Variants in PHACTR1 observed in about 807,000 individuals in gnomAD.
The protein encoded by PHACTR1 is phosphatase and actin regulator 1.
A neutral mutation model predicts 69.2 loss-of-function variants in PHACTR1; 16 were observed. The observed-to-expected ratio is 0.23, with a 90% CI of 0.16 to 0.35. PHACTR1 has a LOEUF of 0.35. Among genes scored for constraint, PHACTR1 ranks in the 10% least tolerant of loss-of-function variants. The probability of loss-of-function intolerance (pLI) is 1.00; values close to 1 mark genes in which losing one functional copy is unlikely to be tolerated. For missense variants in PHACTR1, 510 were observed against 734.7 expected, an observed-to-expected ratio of 0.69 and a Z score of 3.54; for synonymous variants, 312 against 284.5, an observed-to-expected ratio of 1.10 and a Z score of -0.97.
chr6:12,921,547 A>AG, intron 4 of PHACTR1, among the ~76,000 whole-genome samples: 1 of 121,134 alleles, frequency 8.3e-6, no homozygotes, highest in Non-Finnish European at 1.7e-5. Context: ...GAGGGAAAGG[A>AG]GGAAGGAGGA....
intron 4 of PHACTR1, among the ~76,000 whole-genome samples, chr6:12,982,151 A>G (rs548668658): frequency 1.9e-4 from 29 of 152,344 alleles, no homozygotes; most frequent in African/African-American, 6.0e-4. Flanking sequence ...CCTAATCAAC[A>G]GGTCTTAACA....
At chr6:13,222,477 C>T (rs887319462) in intron 8 of PHACTR1, among the ~76,000 whole-genome samples, 2 of 152,190 alleles carry the variant, frequency 1.3e-5, no homozygotes, top group African/African-American at 4.8e-5. Context: ...TGTTGCAGCC[C>T]CCAGAATGCC....
At chr6:12,876,442 G>A (rs953914359) in intron 4 of PHACTR1, among the ~76,000 whole-genome samples, 10 of 152,110 alleles carry the variant, frequency 6.6e-5, no homozygotes, top group South Asian at 4.1e-4. Context: ...ATCCAAGGTC[G>A]CACAGCTAGT....
At chr6:12,950,253 G>A (rs1056583329) in intron 4 of PHACTR1, among the ~76,000 whole-genome samples, 4 of 152,162 alleles carry the variant, frequency 2.6e-5, no homozygotes, top group African/African-American at 4.8e-5. Context: ...ATAGCATGGC[G>A]GCCTCAAAGC....
intron 6 of PHACTR1, among the ~76,000 whole-genome samples, chr6:13,168,435 C>T (rs1239190352): frequency 6.6e-6 from 1 of 152,186 alleles, no homozygotes; most frequent in African/African-American, 2.4e-5. Context: ...AGTGAGTAAG[C>T]GTTCCACATA....
chr6:12,723,458 C>T (rs1762382388), intron 3 of PHACTR1, among the ~76,000 whole-genome samples: 2 of 151,640 alleles, frequency 1.3e-5, no homozygotes, highest in African/African-American at 2.4e-5. Flanking sequence ...ACATTACAAA[C>T]ACCACCTGGA....
chr6:13,285,922 T>G (rs1043302905), intron 13 of PHACTR1, among the ~76,000 whole-genome samples: 2 of 152,244 alleles, frequency 1.3e-5, no homozygotes, highest in African/African-American at 4.8e-5. Flanking sequence ...AAACACACTT[T>G]GGGCAATAGC....
chr6:12,749,183 G>T (rs928883298), intron 3 of PHACTR1, among the ~76,000 whole-genome samples: 4 of 152,240 alleles, frequency 2.6e-5, no homozygotes, highest in African/African-American at 9.6e-5. Context: ...GTGCACTTGG[G>T]CAGCGTAAGC....
chr6:12,940,009 G>A (rs1267449032), intron 4 of PHACTR1, among the ~76,000 whole-genome samples: 1 of 152,138 alleles, frequency 6.6e-6, no homozygotes, highest in African/African-American at 2.4e-5. Flanking sequence ...GGCAAGAAAG[G>A]AAACACTTTT....
At chr6:12,768,067 A>ATT (rs1036297324) in intron 4 of PHACTR1, among the ~76,000 whole-genome samples, 5 of 149,434 alleles carry the variant, frequency 3.3e-5, no homozygotes, top group African/African-American at 1.2e-4. Flanking sequence ...GTACAATAAC[A>ATT]TCTCTCTCTA....
rs1029809893 is a variant in PHACTR1, at chr6:13,283,585, G to C, written c.1650+23G>C. 6.2e-7 allele frequency: 1 copy of C among 1,613,580 alleles called. No homozygotes were observed. Among genetic ancestry groups the C allele is most frequent in the African/African-American group, 1.3e-5 (1 of 74,938 alleles). On this transcript the variant is annotated intron_variant, in intron 13 of 14. Transcript: ENST00000332995. This position sits in a 1 kb window ranked among gnomAD's most constrained non-coding sequence, Gnocchi z 4.7. ...AAAGTAAGCAGAGGGGAGTGCTGGA[G>C]AGTGGGAGGCAGGACCGTCTGCTGG...
intron 4 of PHACTR1, among the ~76,000 whole-genome samples, chr6:12,819,787 G>GT (rs1775997213): frequency 6.6e-6 from 1 of 152,188 alleles, no homozygotes. Flanking sequence ...TTTAGGATGA[G>GT]TAATTACTCT....
chr6:13,070,999 A>G (rs1809427985), intron 5 of PHACTR1, among the ~76,000 whole-genome samples: 1 of 152,208 alleles, frequency 6.6e-6, no homozygotes, highest in Non-Finnish European at 1.5e-5. Context: ...ATTAAAAAAA[A>G]AAAAGGACTG....
At chr6:13,177,874 A>G (rs1271467066) in intron 6 of PHACTR1, among the ~76,000 whole-genome samples, 2 of 152,194 alleles carry the variant, frequency 1.3e-5, no homozygotes, top group African/African-American at 4.8e-5. Context: ...TGGCTTCTCC[A>G]TGAGGTCATT....
At chr6:13,228,264 A>G (rs1384100834) in intron 9 of PHACTR1, among the ~76,000 whole-genome samples, 1 of 152,078 alleles carries the variant, frequency 6.6e-6, no homozygotes, top group Admixed American at 6.5e-5. Context: ...ATGTCCTCTA[A>G]ATGCCCTCCT....
chr6:12,771,176 T>A (rs903395097), intron 4 of PHACTR1, among the ~76,000 whole-genome samples: 11 of 152,062 alleles, frequency 7.2e-5, no homozygotes, highest in Non-Finnish European at 1.3e-4. Context: ...TGGCAAGACA[T>A]GATAAAGGCT....
intron 4 of PHACTR1, among the ~76,000 whole-genome samples, chr6:12,854,098 A>G (rs1780093683): frequency 6.6e-6 from 1 of 152,190 alleles, no homozygotes; most frequent in African/African-American, 2.4e-5. Flanking sequence ...TGGGAAGCAA[A>G]ACGTAACCTA....
intron 4 of PHACTR1, among the ~76,000 whole-genome samples, chr6:12,850,605 G>T (rs1779733628): frequency 6.6e-6 from 1 of 152,218 alleles, no homozygotes; most frequent in Non-Finnish European, 1.5e-5. Context: ...AAATCTGAGT[G>T]GCTTAAAATC....
intron 4 of PHACTR1, among the ~76,000 whole-genome samples, chr6:12,854,866 A>G (rs1324897858): frequency 1.3e-5 from 2 of 152,214 alleles, no homozygotes; most frequent in Non-Finnish European, 1.5e-5. Flanking sequence ...CAGAATGGCT[A>G]TTATTAAAAA....
Sources: gnomAD v4.1 joint callset for allele counts (sites outside exome capture counted in the v4.1 genomes callset) on GRCh38, gnomAD v4.1.1 for gene constraint, Gnocchi (gnomAD v3.1) non-coding constraint, MANE v1.5 for transcripts, NCBI Gene and HGNC (gene_info 2026-07-23, HGNC 2026-07-21) for gene names.